The following FOXP1 variants were observed in gnomAD, a reference collection of about 807,000 sequenced individuals.
The protein encoded by FOXP1 is forkhead box P1.
FOXP1 carries 15 observed loss-of-function variants against 98.2 expected under a neutral mutation model. The ratio of observed to expected loss-of-function variants is 0.15; its 90% CI spans 0.10 to 0.24. The LOEUF is 0.24. FOXP1 is among the 10% of genes least tolerant of loss of function. The pLI, the probability that FOXP1 is intolerant of heterozygous loss-of-function variation, is 1.00. For synonymous variants in FOXP1, 371 were observed against 314.5 expected (o/e 1.18, Z -1.90); for missense variants, 633 against 848.5 (o/e 0.75, Z 3.15).
In FOXP1 at chr3:71,139,744, G is replaced by GGGCT. The variant is rs1184923316; in HGVS notation, c.181-27111_181-27108dup. Among the ~76,000 whole-genome samples, 3 of 152,280 alleles carry GGGCT rather than the reference G, an allele frequency of 2.0e-5. No individual in the cohort carries two copies. The East Asian group carries it at 5.8e-4, about 29-fold the overall frequency. ...CAAGGAAGCCAACCAAGTGGAGACA[G>GGGCT]GGCTGGGCACAGGCAAGCCAGTCTG... On this transcript the variant is annotated intron_variant, in intron 6 of 20. Coordinates refer to ENST00000649528, the MANE Select transcript of FOXP1 (RefSeq NM_001349338.3).
At chr3:71,016,372 C>T (rs1200613258) in intron 11 of FOXP1, among the ~76,000 whole-genome samples, 6 of 152,082 alleles carry the variant, frequency 3.9e-5, no homozygotes, top group South Asian at 2.1e-4. Context: ...TGCTTTGATC[C>T]GCACCATGTG....
At chr3:70,982,609 T>G (rs2039048011) in intron 14 of FOXP1, among the ~76,000 whole-genome samples, 1 of 152,190 alleles carries the variant, frequency 6.6e-6, no homozygotes, top group Admixed American at 6.5e-5. Context: ...TTTTTTAAAT[T>G]TATTTGTACT....
At chr3:71,039,734 GCTCT>G (rs781127221) in intron 11 of FOXP1, among the ~76,000 whole-genome samples, 5 of 148,366 alleles carry the variant, frequency 3.4e-5, no homozygotes, top group Admixed American at 1.4e-4. Context: ...TTTCTTTAAT[GCTCT>G]CTAAGGTTTT....
At chr3:71,413,169 A>G (rs1183259345) in intron 3 of FOXP1, among the ~76,000 whole-genome samples, 2 of 126,034 alleles carry the variant, frequency 1.6e-5, no homozygotes, top group Non-Finnish European at 3.4e-5. Context: ...CCAAATAGAC[A>G]CACACATCTC....
intron 13 of FOXP1, among the ~76,000 whole-genome samples, chr3:70,988,889 C>T (rs1362830501): frequency 6.6e-6 from 1 of 151,822 alleles, no homozygotes; most frequent in Non-Finnish European, 1.5e-5. Flanking sequence ...AAATATATCC[C>T]CTAAAGATAA....
At chr3:71,324,520 A>G (rs1284620145) in intron 4 of FOXP1, among the ~76,000 whole-genome samples, 4 of 152,192 alleles carry the variant, frequency 2.6e-5, no homozygotes, top group East Asian at 1.9e-4. Flanking sequence ...GCAAGGACAG[A>G]AAACCAAATG....
chr3:71,209,431 G>T (rs114564188), intron 5 of FOXP1, among the ~76,000 whole-genome samples: 4,133 of 152,220 alleles, frequency 0.027, 82 homozygotes, highest in Non-Finnish European at 0.042. Flanking sequence ...TCTATTCTAA[G>T]ATACCTTTAA....
intron 3 of FOXP1, among the ~76,000 whole-genome samples, chr3:71,404,109 C>CTTTTCTTTTCT (rs2082128000): frequency 1.4e-5 from 1 of 70,904 alleles, no homozygotes; most frequent in African/African-American, 4.4e-5. Context: ...GGGTTTTTTT[C>CTTTTCTTTTCT]TTTTCTTTTT....
chr3:71,268,818 C>T (rs2070020394), intron 5 of FOXP1, among the ~76,000 whole-genome samples: 1 of 152,150 alleles, frequency 6.6e-6, no homozygotes, highest in Admixed American at 6.5e-5. Flanking sequence ...ACCTGTCCAC[C>T]AGGATGATTT....
intron 2 of FOXP1, among the ~76,000 whole-genome samples, chr3:71,500,269 T>A (rs1035089721): frequency 2.6e-5 from 4 of 152,274 alleles, no homozygotes; most frequent in Non-Finnish European, 5.9e-5. Context: ...TTTCTAGCTC[T>A]GAGGCTCAAC....
At chr3:71,562,154 T>C (rs1057469888) in intron 2 of FOXP1, among the ~76,000 whole-genome samples, 2 of 152,200 alleles carry the variant, frequency 1.3e-5, no homozygotes, top group African/African-American at 2.4e-5. Context: ...GAACTCTACA[T>C]GAGTCCTCCC....
At position 71,041,259 on chromosome 3, in the gene FOXP1, C is replaced by T. The variant is rs888270103; in HGVS notation, c.869+69G>A. ...CCAATTAGGGATCACTGAGATATGA[C>T]GAGGCAGGGCCACCCACCCCTCTCA... On this transcript the variant is annotated intron_variant, in intron 11 of 20. Coordinates refer to ENST00000649528, the MANE Select transcript of FOXP1 (RefSeq NM_001349338.3). 5.1e-5 allele frequency: 64 copies of T among 1,252,648 alleles called. 1 individual carries two copies. The highest frequency in any genetic ancestry group is 4.8e-4 in the South Asian group (40 of 83,418). The allele number at this position is 1,252,648 out of a possible 1,614,324, so 77.6% of individuals were successfully genotyped here.
At chr3:71,302,882 CCT>C (rs1224962637) in intron 4 of FOXP1, 1 of 152,140 alleles carries the variant, frequency 6.6e-6, no homozygotes, top group Admixed American at 6.5e-5. Context: ...AATGTACATT[CCT>C]CTTTCTCTAC....
intron 5 of FOXP1, among the ~76,000 whole-genome samples, chr3:71,269,174 G>A (rs901439318): frequency 1.3e-5 from 2 of 150,134 alleles, no homozygotes; most frequent in Non-Finnish European, 3.0e-5. Flanking sequence ...TCAGCCCACA[G>A]GTCTGCAGCT....
At chr3:70,986,187 C>T (rs2039702824) in intron 14 of FOXP1, among the ~76,000 whole-genome samples, 1 of 152,098 alleles carries the variant, frequency 6.6e-6, no homozygotes, top group African/African-American at 2.4e-5. Flanking sequence ...CCCTGTTTAC[C>T]AGCTGCTTAA....
chr3:71,336,009 TCA>T (rs2076647070), intron 4 of FOXP1, among the ~76,000 whole-genome samples: 1 of 36,652 alleles, frequency 2.7e-5, no homozygotes, highest in African/African-American at 1.3e-4. Flanking sequence ...AAACTCCATC[TCA>T]AAAAAAAAAA....
intron 19 of FOXP1, 104 bp downstream of exon 19, chr3:70,970,632 G>T (rs557060719): frequency 7.0e-6 from 7 of 1,004,828 alleles, no homozygotes; most frequent in Non-Finnish European, 1.1e-5. Flanking sequence ...AAAGTTTAAC[G>T]GAATTAAAAT....
rs188887583 is a variant in FOXP1, at chr3:71,202,897, C to T, written c.-11-4505G>A. On this transcript the variant is annotated intron_variant, in intron 5 of 20. Transcript: ENST00000649528. ...TCAAGTCAATATATAGGAGAGGAAT[C>T]TATCTTCTCCATCAAGGGACGTTGC... Among the ~76,000 whole-genome samples the T allele has an allele frequency of 5.4e-4, 83 of 152,318 alleles. 2 individuals are homozygous for T. The East Asian group carries it at 0.014, about 26-fold the overall frequency.
intron 2 of FOXP1, among the ~76,000 whole-genome samples, chr3:71,511,954 G>A (rs749742431): frequency 2.6e-5 from 4 of 152,172 alleles, no homozygotes; most frequent in Admixed American, 6.5e-5. Flanking sequence ...AGGAGTTGAC[G>A]GAACTGCTGG....
Sources: gnomAD v4.1 joint callset for allele counts (sites outside exome capture counted in the v4.1 genomes callset) on GRCh38, gnomAD v4.1.1 for gene constraint, MANE v1.5 for transcripts, NCBI Gene and HGNC (gene_info 2026-07-23, HGNC 2026-07-21) for gene names.